The following PRR5L variants were observed in gnomAD, a reference collection of about 807,000 sequenced individuals.
PRR5L encodes proline-rich protein 5-like.
In PRR5L, 21 loss-of-function variants were observed where a neutral mutation model predicts 36.4. The observed-to-expected ratio is 0.58, with a 90% confidence interval of 0.41 to 0.83. The LOEUF (loss-of-function observed/expected upper bound fraction) is 0.83, where lower values mean the gene tolerates loss of function less well. Among genes scored for constraint, PRR5L ranks in the 40% least tolerant of loss-of-function variants. The pLI is 0.00. For missense variants in PRR5L, 381 were observed against 473.3 expected (o/e 0.80, Z 1.81); for synonymous variants, 188 against 197.0 (o/e 0.95, Z 0.38).
intron 1 of PRR5L, among the ~76,000 whole-genome samples, chr11:36,330,314 C>G (rs1161239122): frequency 2.6e-5 from 4 of 152,156 alleles, no homozygotes; most frequent in African/African-American, 9.7e-5. Flanking sequence ...AACAAAAAGG[C>G]CACAAAAATT....
At chr11:36,446,900 A>C (rs1858843311) in intron 7 of PRR5L, among the ~76,000 whole-genome samples, 1 of 152,136 alleles carries the variant, frequency 6.6e-6, no homozygotes, top group African/African-American at 2.4e-5. Context: ...TCTACTTTCT[A>C]GTCTCTACTT....
intron 1 of PRR5L, among the ~76,000 whole-genome samples, chr11:36,301,994 C>T (rs953865838): frequency 6.6e-6 from 1 of 152,078 alleles, no homozygotes; most frequent in Admixed American, 6.5e-5. Flanking sequence ...GAAGGAGAGA[C>T]AGAAAGAGAA....
At chr11:36,324,762 T>G (rs943979167) in intron 1 of PRR5L, among the ~76,000 whole-genome samples, 1 of 152,120 alleles carries the variant, frequency 6.6e-6, no homozygotes, top group African/African-American at 2.4e-5. Flanking sequence ...TACTGAAAAC[T>G]AAAAAGTAGA....
Position 36,456,063 on chromosome 11 carries a change from G to A in PRR5L, c.712+4728G>A, listed in dbSNP as rs188789529. On this transcript the variant is annotated intron_variant, in intron 8 of 8. Coordinates refer to ENST00000530639, the MANE Select transcript of PRR5L (RefSeq NM_001160167.2). The stretch of plus-strand genomic sequence containing the variant: ...GAGAGAGCAGGGCCTTGGAAACCAC[G>A]AGAGCTGGGGCTCAGCTGTGTGGCC... Among the ~76,000 whole-genome samples, 146 of 152,260 alleles carry A rather than the reference G, an allele frequency of 9.6e-4. 2 individuals are homozygous for A. The South Asian group carries it at 0.019, about 20-fold the overall frequency.
In PRR5L at chr11:36,322,216, C is replaced by T. The variant is rs531561625; in HGVS notation, c.-126+25778C>T. Reference sequence around the variant, plus strand: ...TCAGAGATTAAGGCAGCTCTTTTATCAATGAAATTATCTCAGCAGTCAGAA... The same window carrying T: ...TCAGAGATTAAGGCAGCTCTTTTATTAATGAAATTATCTCAGCAGTCAGAA... On this transcript the variant is annotated intron_variant, in intron 1 of 8. Transcript: ENST00000530639. Among the ~76,000 whole-genome samples, 5 of 152,310 alleles carry T rather than the reference C, an allele frequency of 3.3e-5. No individual in the cohort carries two copies. In the South Asian group the frequency reaches 1.0e-3, roughly 32 times the overall value.
intron 1 of PRR5L, among the ~76,000 whole-genome samples, chr11:36,395,911 G>A (rs1590530287): frequency 6.6e-6 from 1 of 151,756 alleles, no homozygotes; most frequent in East Asian, 1.9e-4. Flanking sequence ...TTTATTTTTT[G>A]TAGAGACAGG....
rs330256 is a variant in PRR5L at position 36,382,014 on chromosome 11, C to A, written c.-125-18983C>A. 4.0e-3 allele frequency among the ~76,000 whole-genome samples: 603 copies of A among 152,120 alleles called. 4 individuals carry two copies. Among genetic ancestry groups the A allele is most frequent in the African/African-American group, 0.013 (538 of 41,490 alleles). On this transcript the variant is annotated intron_variant, in intron 1 of 8. Transcript: ENST00000530639. Reference sequence around the variant, plus strand: ...TCTACTAAAAATACAAAAAATGAGCCGGGCATGGTGGCGTGTGCCTGTAGT... The same window carrying A: ...TCTACTAAAAATACAAAAAATGAGCAGGGCATGGTGGCGTGTGCCTGTAGT...
At chr11:36,454,992 C>T (rs948178101) in intron 8 of PRR5L, among the ~76,000 whole-genome samples, 14 of 152,204 alleles carry the variant, frequency 9.2e-5, no homozygotes, top group African/African-American at 3.4e-4. Flanking sequence ...CTTTCAAGTC[C>T]CCGAAGTCTC....
intron 1 of PRR5L, among the ~76,000 whole-genome samples, chr11:36,378,770 T>C (rs1590505610): frequency 6.6e-6 from 1 of 152,214 alleles, no homozygotes; most frequent in East Asian, 1.9e-4. Flanking sequence ...ACTGAGAGAC[T>C]TTGATAATAT....
chr11:36,418,462 G>T (rs1399136124), intron 3 of PRR5L, among the ~76,000 whole-genome samples: 1 of 152,028 alleles, frequency 6.6e-6, no homozygotes, highest in Non-Finnish European at 1.5e-5. Flanking sequence ...CTTATTTTGG[G>T]GAACTCTCTG....
At chr11:36,375,788 C>G (rs964828709) in intron 1 of PRR5L, among the ~76,000 whole-genome samples, 1 of 152,238 alleles carries the variant, frequency 6.6e-6, no homozygotes, top group African/African-American at 2.4e-5. Flanking sequence ...GAAGGACCCT[C>G]TAATTCATGA....
chr11:36,330,890 T>C (rs138283401), intron 1 of PRR5L, among the ~76,000 whole-genome samples: 14,602 of 151,016 alleles, frequency 0.097, 1,282 homozygotes, highest in African/African-American at 0.24. Context: ...ATTGCAACCT[T>C]CACCTCCTGG....
intron 1 of PRR5L, among the ~76,000 whole-genome samples, chr11:36,296,842 G>A (rs1454701904): frequency 1.3e-5 from 2 of 152,198 alleles, no homozygotes; most frequent in African/African-American, 4.8e-5. Context: ...ACATGCCTCA[G>A]ATTCTTGCTT....
intron 6 of PRR5L, among the ~76,000 whole-genome samples, chr11:36,439,658 G>A (rs541783568): frequency 9.9e-5 from 15 of 152,252 alleles, no homozygotes; most frequent in East Asian, 3.9e-4. Context: ...GGAATATTCC[G>A]GGGAGGTGGC....
At chr11:36,374,020 T>C (rs1190851502) in intron 1 of PRR5L, among the ~76,000 whole-genome samples, 1 of 151,936 alleles carries the variant, frequency 6.6e-6, no homozygotes, top group African/African-American at 2.4e-5. Context: ...AAGTAGGAGG[T>C]GGTAAAAGAC....
chr11:36,413,399 G>C (rs546064388), intron 3 of PRR5L, among the ~76,000 whole-genome samples: 1 of 152,092 alleles, frequency 6.6e-6, no homozygotes, highest in Non-Finnish European at 1.5e-5. Flanking sequence ...ATTCTTTCTC[G>C]GGCTTCTGGC....
At chr11:36,350,970 T>A (rs1253989144) in intron 1 of PRR5L, among the ~76,000 whole-genome samples, 20 of 48,484 alleles carry the variant, frequency 4.1e-4, no homozygotes, top group South Asian at 1.8e-3. Context: ...ATTTATATAT[T>A]TATATATATT....
rs1383427058 is a variant in PRR5L, at chr11:36,351,236, A to ATT, written c.-125-49759_-125-49758dup. On this transcript the variant is annotated intron_variant, in intron 1 of 8. Transcript: ENST00000530639. ...TATATAAATATATATATTTATATATATTTATATATATTTTTATATATGTAT... is the reference window on the plus strand; with the variant it reads ...TATATAAATATATATATTTATATATATTTTTATATATATTTTTATATATGTAT... 3.5e-3 allele frequency among the ~76,000 whole-genome samples: 292 copies of ATT among 84,516 alleles called. 8 individuals carry two copies. The highest frequency in any genetic ancestry group is 0.011 in the African/African-American group (222 of 20,322). 55.4% of individuals were successfully genotyped at this position (84,516 alleles called of 152,430 possible). A position where few individuals can be genotyped will look rare whatever the true frequency, so the allele number is the denominator to read the frequency against.
At chr11:36,393,062 T>C (rs1857593463) in intron 1 of PRR5L, among the ~76,000 whole-genome samples, 1 of 152,222 alleles carries the variant, frequency 6.6e-6, no homozygotes, top group South Asian at 2.1e-4. Flanking sequence ...TTGAGCTTCT[T>C]ATATGTTCTG....
Sources: allele counts gnomAD v4.1 joint callset (sites outside exome capture counted in the v4.1 genomes callset), GRCh38; gene constraint gnomAD v4.1.1; transcripts MANE v1.5; gene names NCBI Gene and HGNC (gene_info 2026-07-23, HGNC 2026-07-21).